ETNPPL: variants seen among roughly 807,000 people sequenced by gnomAD.
The protein encoded by ETNPPL is ethanolamine-phosphate phospho-lyase.
In ETNPPL, 30 loss-of-function variants were observed where a neutral mutation model predicts 55.5. The ratio of observed to expected loss-of-function variants is 0.54; its 90% CI spans 0.40 to 0.73. ETNPPL has a LOEUF of 0.73. Among genes scored for constraint, ETNPPL ranks in the 30% least tolerant of loss-of-function variants. The pLI is 0.00. For missense variants in ETNPPL, 528 were observed against 607.9 expected (o/e 0.87, Z 1.38); for synonymous variants, 202 against 207.2 (o/e 0.98, Z 0.21).
intron 6 of ETNPPL, 101 bp from the exon 7 acceptor site, chr4:108,751,119 A>G: frequency 1.4e-6 from 1 of 738,976 alleles, no homozygotes; most frequent in Non-Finnish European, 2.3e-6. Context: ...ATGGCTAGGA[A>G]TAGACCTGTA....
At chr4:108,744,623 C>G (rs1252580574) in intron 11 of ETNPPL, among the ~76,000 whole-genome samples, 1 of 151,978 alleles carries the variant, frequency 6.6e-6, no homozygotes, top group Non-Finnish European at 1.5e-5. Context: ...CAAACATTCA[C>G]TATTCATATC....
chr4:108,762,315 G>A, intron 1 of ETNPPL: 1 of 456,518 alleles, frequency 2.2e-6, no homozygotes, highest in Admixed American at 2.4e-5. Flanking sequence ...ACAGAAGGTG[G>A]TTTCAAGTTT....
At chr4:108,747,411 A>T (rs1044895555) in intron 9 of ETNPPL, among the ~76,000 whole-genome samples, 1 of 150,606 alleles carries the variant, frequency 6.6e-6, no homozygotes, top group Non-Finnish European at 1.5e-5. Context: ...TTATTAAAAA[A>T]GTATAAAAGC....
intron 11 of ETNPPL, among the ~76,000 whole-genome samples, chr4:108,744,605 C>G (rs928155594): frequency 6.6e-6 from 1 of 151,966 alleles, no homozygotes; most frequent in Admixed American, 6.6e-5. Context: ...TGTGGACTCT[C>G]AAGTTTCCAA....
intron 3 of ETNPPL, among the ~76,000 whole-genome samples, chr4:108,759,262 G>A (rs562433809): frequency 4.0e-5 from 6 of 151,548 alleles, no homozygotes; most frequent in Admixed American, 1.3e-4. Context: ...TTAGCTGGGC[G>A]TTGTGGCGGG....
In ETNPPL at chr4:108,749,063, T is replaced by TA. The variant is rs1318460989; in HGVS notation, c.927+174_927+175insT. ...TGTATCCCAGAACTTAAAGTATAAT[T>TA]TTATATATATATGTAAGTATTTAAG... On this transcript the variant is annotated intron_variant, in intron 8 of 12. Coordinates refer to ENST00000296486, the MANE Select transcript of ETNPPL (RefSeq NM_031279.4). Among the ~76,000 whole-genome samples the TA allele has an allele frequency of 3.3e-5, 5 of 152,080 alleles. No homozygotes were observed. In the East Asian group the frequency reaches 7.7e-4, roughly 23 times the overall value.
intron 10 of ETNPPL, 109 bp from the exon 11 acceptor site, chr4:108,746,638 A>G: frequency 1.4e-5 from 21 of 1,464,468 alleles, no homozygotes; most frequent in Non-Finnish European, 1.8e-5. Context: ...AGAAGCCCAC[A>G]TTATAAATAG....
At chr4:108,752,716 G>A (rs1230520469) in intron 6 of ETNPPL, among the ~76,000 whole-genome samples, 179 bp downstream of exon 6, 5 of 152,354 alleles carry the variant, frequency 3.3e-5, no homozygotes, top group Admixed American at 3.3e-4. Context: ...CAAGTAGACA[G>A]TCTTAGAGGC....
intron 11 of ETNPPL, among the ~76,000 whole-genome samples, chr4:108,744,497 G>T (rs1296885853): frequency 6.6e-6 from 1 of 151,938 alleles, no homozygotes; most frequent in Admixed American, 6.6e-5. Context: ...TGCCCTATGG[G>T]ATCAAAGGAC....
At chr4:108,747,177 T>A (rs1182340924) in intron 9 of ETNPPL, among the ~76,000 whole-genome samples, 4 of 11,580 alleles carry the variant, frequency 3.5e-4, no homozygotes, top group African/African-American at 2.3e-3. Context: ...TATATATATA[T>A]ATAATATATA....
chr4:108,754,924 A>G (rs542400855), intron 4 of ETNPPL: 7 of 479,590 alleles, frequency 1.5e-5, no homozygotes, highest in African/African-American at 1.2e-4. Context: ...TAAAACTCAT[A>G]GAAAGCCAAG....
Position 108,762,797 on chromosome 4 carries a change from T to C in ETNPPL, c.56+46A>G, listed in dbSNP as rs758204365. ...TTTCTCTCTCCACCTTCTGCACTCG[T>C]TATTGCCCCCTCTCTGCACTTACTT... is the stretch of plus-strand genomic sequence containing the variant. On this transcript the variant is annotated intron_variant, in intron 1 of 12. Coordinates refer to ENST00000296486, the MANE Select transcript of ETNPPL (RefSeq NM_031279.4). 9 of 1,604,210 alleles carry C rather than the reference T, an allele frequency of 5.6e-6. No individual in the cohort carries two copies. The Admixed American group carries it at 1.0e-4, about 18-fold the overall frequency.
At chr4:108,747,742 T>A (rs1728676417) in intron 9 of ETNPPL, 1 of 290,956 alleles carries the variant, frequency 3.4e-6, no homozygotes, top group South Asian at 7.7e-5. Context: ...TTATTATTAT[T>A]GTTAGAGACG....
At position 108,746,672 on chromosome 4, in the gene ETNPPL, C is replaced by G; in HGVS notation, c.1172+90G>C. The G allele has an allele frequency of 2.0e-6, 3 of 1,498,342 alleles. No homozygotes were observed. The South Asian group carries it at 3.5e-5, about 17-fold the overall frequency. 92.8% of individuals were successfully genotyped at this position (1,498,342 alleles called of 1,614,324 possible). A position where few individuals can be genotyped will look rare whatever the true frequency, so the allele number is the denominator to read the frequency against. ...AGGATGTATTTAAACTTTCCTTTTT[C>G]AGAGGGATGGGAGGAAGTCAAGCAA... On this transcript the variant is annotated intron_variant, in intron 10 of 12. Transcript: ENST00000296486.
At position 108,748,153 on chromosome 4, in the gene ETNPPL, C is replaced by T; in HGVS notation, c.934G>A (p.Gly312Arg). The change falls in exon 9 of 13, where the codon GGA becomes AGA. Residue 312 changes from glycine to arginine, a missense_variant. Gly to Arg is a moderately radical substitution (Grantham distance 125, BLOSUM62 -2). Coordinates refer to ENST00000296486, the MANE Select transcript of ETNPPL (RefSeq NM_031279.4). ...SGMEYFNTYG[G>R]NPVSCAVGLA... ...CCAACAGCACAAGATACTGGATTTC[C>T]TCCATACTGTAAAAAAAAAAAAGAC... The T allele has an allele frequency of 6.4e-7, 1 of 1,561,678 alleles. No homozygotes were observed.
At chr4:108,745,975 A>C (rs889821215) in intron 11 of ETNPPL, among the ~76,000 whole-genome samples, 2 of 151,686 alleles carry the variant, frequency 1.3e-5, no homozygotes, top group South Asian at 4.1e-4. Flanking sequence ...GCAATTCAGC[A>C]TATAGCAAAG....
At chr4:108,750,893 A>C in intron 7 of ETNPPL, 43 bp downstream of exon 7, 1 of 1,334,642 alleles carries the variant, frequency 7.5e-7, no homozygotes, top group African/African-American at 1.4e-5. Context: ...GAATTGTCAC[A>C]GTGCTCTCAG....
chr4:108,745,697 G>A (rs994636663), intron 11 of ETNPPL, among the ~76,000 whole-genome samples: 3 of 152,012 alleles, frequency 2.0e-5, no homozygotes, highest in East Asian at 3.9e-4. Context: ...TTGGGAGGTC[G>A]AGGTGGGTGG....
intron 7 of ETNPPL, among the ~76,000 whole-genome samples, chr4:108,749,715 AT>A (rs548904981): frequency 1.4e-4 from 21 of 151,130 alleles, no homozygotes; most frequent in African/African-American, 3.2e-4. Context: ...ATATTGCAGT[AT>A]TTTTTTTTAA....
Sources: gnomAD v4.1 joint callset for allele counts (sites outside exome capture counted in the v4.1 genomes callset) on GRCh38, gnomAD v4.1.1 for gene constraint, MANE v1.5 for transcripts, NCBI Gene and HGNC (gene_info 2026-07-23, HGNC 2026-07-21) for gene names.